EPHA4: variants seen among roughly 807,000 people sequenced by gnomAD.
The protein encoded by EPHA4 is EPH receptor A4.
EPHA4 carries 19 observed loss-of-function variants against 108.3 expected under a neutral mutation model. The observed-to-expected ratio is 0.18, with a 90% CI of 0.12 to 0.26. The LOEUF is 0.26. Among genes scored for constraint, EPHA4 ranks in the 10% least tolerant of loss-of-function variants. The pLI, the probability that EPHA4 is intolerant of heterozygous loss-of-function variation, is 1.00. For synonymous variants in EPHA4, 449 were observed against 455.5 expected (o/e 0.99, Z 0.18); for missense variants, 917 against 1,254.0 (o/e 0.73, Z 4.06).
In EPHA4 at chr2:221,428,521, T is replaced by C. The variant is rs1032466805; in HGVS notation, c.2690+1437A>G. 5.9e-5 allele frequency among the ~76,000 whole-genome samples: 9 copies of C among 152,320 alleles called. No homozygotes were observed. In the East Asian group the frequency reaches 7.7e-4, roughly 13 times the overall value. The stretch of plus-strand genomic sequence containing the variant: ...GTGATAGTAGTGGTTGAATGACTTA[T>C]GCTAACAGAAGAAGTACCAAACACC... On this transcript the variant is annotated intron_variant, in intron 15 of 17. Transcript: ENST00000281821.
intron 3 of EPHA4, among the ~76,000 whole-genome samples, chr2:221,525,930 T>A (rs1346534850): frequency 2.0e-5 from 3 of 152,242 alleles, no homozygotes; most frequent in Non-Finnish European, 4.4e-5. Flanking sequence ...TCCCATTTTA[T>A]TTTCTAGATA....
intron 4 of EPHA4, among the ~76,000 whole-genome samples, chr2:221,485,506 A>C (rs189883301): frequency 6.6e-6 from 1 of 152,298 alleles, no homozygotes. Context: ...TTGTGGGGAC[A>C]CTGTCGCTGC....
At chr2:221,505,706 C>T (rs980251747) in intron 3 of EPHA4, among the ~76,000 whole-genome samples, 5 of 152,156 alleles carry the variant, frequency 3.3e-5, no homozygotes, top group African/African-American at 1.2e-4. Context: ...GACAATGCTG[C>T]TCTAGAAGCT....
At chr2:221,468,160 T>C (rs1691368298) in intron 5 of EPHA4, among the ~76,000 whole-genome samples, 1 of 151,904 alleles carries the variant, frequency 6.6e-6, no homozygotes, top group African/African-American at 2.4e-5. Flanking sequence ...TTAGACAGGA[T>C]GGTGAACCTT....
At chr2:221,535,431 G>C (rs1693640360) in intron 3 of EPHA4, among the ~76,000 whole-genome samples, 1 of 152,178 alleles carries the variant, frequency 6.6e-6, no homozygotes, top group African/African-American at 2.4e-5. Context: ...CATTCTTACA[G>C]CTACTAAAAG....
At chr2:221,428,742 G>A (rs1388282230) in intron 15 of EPHA4, among the ~76,000 whole-genome samples, 1 of 152,182 alleles carries the variant, frequency 6.6e-6, no homozygotes, top group Non-Finnish European at 1.5e-5. Context: ...TTCACATAGT[G>A]ACCAAGTGGC....
rs1559297057 is a variant in EPHA4, at chr2:221,566,854, G to GA, written c.159+1863dup. On this transcript the variant is annotated intron_variant, in intron 2 of 17. Transcript: ENST00000281821. ...GAAGGAGAAGAAGGAGAAGGAGAAG[G>GA]AGAAGAAGAAGAAGAAGAAGAAGGA... Among the ~76,000 whole-genome samples the GA allele has an allele frequency of 8.1e-4, 43 of 53,274 alleles. 5 individuals are homozygous for GA. The highest frequency in any genetic ancestry group is 3.3e-3 in the African/African-American group (40 of 12,152). 34.9% of individuals were successfully genotyped at this position (53,274 alleles called of 152,430 possible). A position where few individuals can be genotyped will look rare whatever the true frequency, so the allele number is the denominator to read the frequency against.
At chr2:221,527,179 A>G (rs1237703552) in intron 3 of EPHA4, among the ~76,000 whole-genome samples, 1 of 152,152 alleles carries the variant, frequency 6.6e-6, no homozygotes. Flanking sequence ...CATAGGAATA[A>G]ACTAGAACGT....
intron 9 of EPHA4, among the ~76,000 whole-genome samples, chr2:221,445,845 CAAT>C (rs1425733831): frequency 6.6e-6 from 1 of 151,982 alleles, no homozygotes; most frequent in Non-Finnish European, 1.5e-5. Flanking sequence ...CCAGCTACAA[CAAT>C]GAGCCAGCTA....
At chr2:221,440,474 C>A (rs545103031) in intron 11 of EPHA4, among the ~76,000 whole-genome samples, 1 of 152,152 alleles carries the variant, frequency 6.6e-6, no homozygotes, top group Non-Finnish European at 1.5e-5. Context: ...GGGCTCTGGG[C>A]GGCCCTGAAG....
At chr2:221,438,372 T>A (rs1690312335) in intron 11 of EPHA4, among the ~76,000 whole-genome samples, 1 of 152,084 alleles carries the variant, frequency 6.6e-6, no homozygotes, top group Non-Finnish European at 1.5e-5. Flanking sequence ...TGTTGGCAAG[T>A]GGAGGGTGGG....
At chr2:221,424,289 C>A (rs967286917) in intron 17 of EPHA4, among the ~76,000 whole-genome samples, 10 of 151,844 alleles carry the variant, frequency 6.6e-5, no homozygotes, top group African/African-American at 2.4e-4. Context: ...TTTCACATTC[C>A]TTCTGAACAG....
chr2:221,521,823 A>G (rs1399047124), intron 3 of EPHA4, among the ~76,000 whole-genome samples: 5 of 152,112 alleles, frequency 3.3e-5, no homozygotes, highest in Non-Finnish European at 7.4e-5. Context: ...AAAAATAGAA[A>G]AAAATTAGGT....
chr2:221,517,033 G>A (rs1693008647), intron 3 of EPHA4, among the ~76,000 whole-genome samples: 1 of 152,208 alleles, frequency 6.6e-6, no homozygotes, highest in African/African-American at 2.4e-5. Context: ...GTATTGCTGA[G>A]CGCTCCTACG....
At chr2:221,507,320 T>C (rs1692661597) in intron 3 of EPHA4, among the ~76,000 whole-genome samples, 1 of 152,256 alleles carries the variant, frequency 6.6e-6, no homozygotes, top group Non-Finnish European at 1.5e-5. Context: ...AAGCTGATTT[T>C]ACTCAGTATC....
Position 221,443,019 on chromosome 2 carries a change from G to A in EPHA4, c.1889-5C>T. On this transcript the variant is annotated splice_region_variant and splice_polypyrimidine_tract_variant and intron_variant, in intron 10 of 17. Transcript: ENST00000281821. ...TGCATACCTCACCAAATTCACCTTTGAGAGAGAAAAAGAATCTACGATGGA... is the reference window on the plus strand; with the variant it reads ...TGCATACCTCACCAAATTCACCTTTAAGAGAGAAAAAGAATCTACGATGGA... The A allele has an allele frequency of 6.2e-7, 1 of 1,611,506 alleles. No individual in the cohort carries two copies. Among genetic ancestry groups the A allele is most frequent in the Non-Finnish European group, 8.5e-7 (1 of 1,179,022 alleles).
intron 17 of EPHA4, among the ~76,000 whole-genome samples, chr2:221,424,561 G>C (rs189643586): frequency 5.4e-4 from 82 of 152,164 alleles, no homozygotes; most frequent in Admixed American, 1.6e-3. Context: ...ACTCAATGCT[G>C]GTATATAAAA....
At chr2:221,490,162 A>C (rs533371626) in intron 4 of EPHA4, among the ~76,000 whole-genome samples, 17 of 137,954 alleles carry the variant, frequency 1.2e-4, no homozygotes, top group Admixed American at 2.2e-4. Context: ...AAAAAAAAAA[A>C]CCCACTGCCA....
intron 5 of EPHA4, among the ~76,000 whole-genome samples, chr2:221,459,044 G>A (rs1691055719): frequency 6.6e-6 from 1 of 152,178 alleles, no homozygotes; most frequent in African/African-American, 2.4e-5. Context: ...ACATGCGTAT[G>A]AATGCCAACC....
Sources: gnomAD v4.1 joint callset for allele counts (sites outside exome capture counted in the v4.1 genomes callset) on GRCh38, gnomAD v4.1.1 for gene constraint, MANE v1.5 for transcripts, NCBI Gene and HGNC (gene_info 2026-07-23, HGNC 2026-07-21) for gene names.